Variants in SF1 observed in about 807,000 individuals in gnomAD.
SF1 encodes splicing factor 1, also known as branch point-binding protein.
SF1 carries 7 observed loss-of-function variants against 62.5 expected under a neutral mutation model. The observed-to-expected ratio is 0.11, with a 90% CI of 0.06 to 0.21. The LOEUF (loss-of-function observed/expected upper bound fraction) is 0.21, where lower values mean the gene tolerates loss of function less well. Ranked by LOEUF, SF1 falls within the 10% of genes least tolerant of loss-of-function variation. The pLI is 1.00. For missense variants in SF1, 578 were observed against 884.0 expected, an observed-to-expected ratio of 0.65 and a Z score of 4.39; for synonymous variants, 394 against 323.6, an observed-to-expected ratio of 1.22 and a Z score of -2.33.
At chr11:64,768,374 G>C (rs1458267762) in intron 8 of SF1, 88 bp from the exon 9 acceptor site, 1 of 1,243,666 alleles carries the variant, frequency 8.0e-7, no homozygotes, top group African/African-American at 1.5e-5. Context: ...CATATGGAAA[G>C]TTCTGAAGAA....
At chr11:64,777,746 C>T (rs755538648) in intron 1 of SF1, 234 of 985,620 alleles carry the variant, frequency 2.4e-4, no homozygotes, top group Middle Eastern at 5.2e-4. Flanking sequence ...CACAGCCCGG[C>T]CACCTCACTG....
chr11:64,767,053 T>C lies in SF1; in HGVS notation c.1429A>G (p.Met477Val). ...GGAGGCGGCGGCGGCGGCGGCATCA[T>C]GCCCATAGGTGGTGGCGGCATCATA... ...KGMMPPPPMG[M>V]MPPPPPPPSG... The change falls in exon 12 of 13, where the codon ATG (methionine) becomes GTG (valine). Residue 477 changes from methionine (M) to valine (V), a missense_variant. By Grantham distance (21) the Met-to-Val change is conservative. Around this residue, in one of 7 missense-constraint regions of SF1, gnomAD observed 410 missense variants for 452.4 expected, o/e 0.91. Transcript: ENST00000377390. The C allele has an allele frequency of 6.4e-7, 1 of 1,566,618 alleles. No individual in the cohort carries two copies. Among genetic ancestry groups the C allele is most frequent in the Non-Finnish European group, 8.7e-7 (1 of 1,153,812 alleles).
At chr11:64,778,084 AG>A in intron 1 of SF1, 1 of 939,260 alleles carries the variant, frequency 1.1e-6, no homozygotes, top group Non-Finnish European at 1.3e-6. Context: ...GCGGCGGCGG[AG>A]GGGGCGGCTG....
intron 3 of SF1, chr11:64,771,536 G>A: frequency 1.0e-6 from 1 of 985,442 alleles, no homozygotes; most frequent in Non-Finnish European, 1.2e-6. Context: ...ACTGTCTTCA[G>A]CCTAAAGGGA....
At chr11:64,766,205 C>G in intron 12 of SF1, 50 bp from the exon 13 acceptor site, 4 of 1,415,428 alleles carry the variant, frequency 2.8e-6, no homozygotes, top group Non-Finnish European at 3.9e-6. Flanking sequence ...CACACCGCGG[C>G]TGTCTGCGGC....
At chr11:64,766,632 G>A (rs1044405272) in intron 12 of SF1, 1 of 435,844 alleles carries the variant, frequency 2.3e-6, no homozygotes, top group Non-Finnish European at 4.1e-6. Flanking sequence ...AGCCTGCGAG[G>A]GTCTGGACTT....
rs756299065 is a variant in SF1, at chr11:64,765,467, C to T, written c.*351G>A. ...TGCCTGGAAGGGTCACCAATGGGCGCGGAAAGTCCTCACTCTCATGGCTCG... is the reference window on the plus strand; with the variant it reads ...TGCCTGGAAGGGTCACCAATGGGCGTGGAAAGTCCTCACTCTCATGGCTCG... On this transcript the variant is annotated 3_prime_UTR_variant, in exon 13 of 13. Coordinates refer to ENST00000377390, the MANE Select transcript of SF1 (RefSeq NM_004630.4). The T allele has an allele frequency of 1.7e-5, 27 of 1,613,260 alleles. No individual in the cohort carries two copies. Among genetic ancestry groups the T allele is most frequent in the South Asian group, 2.2e-5 (2 of 91,022 alleles).
At chr11:64,772,098 G>C (rs920154304) in intron 3 of SF1, 1 of 985,362 alleles carries the variant, frequency 1.0e-6, no homozygotes, top group Non-Finnish European at 1.2e-6. Context: ...AGAAGTGAAA[G>C]GCAAAAGCTA....
chr11:64,776,307 C>G (rs921351404), intron 2 of SF1, 191 bp downstream of exon 2: 1 of 591,454 alleles, frequency 1.7e-6, no homozygotes, highest in African/African-American at 1.9e-5. Flanking sequence ...ACTGCAGTTA[C>G]GAACAGACCA....
Position 64,764,915 on chromosome 11 carries a change from C to T in SF1, c.*903G>A, listed in dbSNP as rs2058539247. On this transcript the variant is annotated 3_prime_UTR_variant, in exon 13 of 13. Transcript: ENST00000377390. ...TGGAATCTGAGGCAGCTCAGGTGAT[C>T]AAGGAGCACAGGAAGAACTCCAGGC... 6.6e-6 allele frequency: 1 copy of T among 152,328 alleles called. No individual in the cohort carries two copies. Among genetic ancestry groups the T allele is most frequent in the African/African-American group, 2.4e-5 (1 of 41,462 alleles). 9.4% of individuals were successfully genotyped at this position (152,328 alleles called of 1,614,324 possible). A position where few individuals can be genotyped will look rare whatever the true frequency, so the allele number is the denominator to read the frequency against.
intron 3 of SF1, among the ~76,000 whole-genome samples, chr11:64,770,944 T>C (rs1381998024): frequency 1.3e-5 from 2 of 152,162 alleles, no homozygotes; most frequent in Non-Finnish European, 2.9e-5. Flanking sequence ...GCCCCCACAA[T>C]GGAGAGAGAT....
intron 12 of SF1, 50 bp downstream of exon 12, chr11:64,766,850 G>GCCCCCCCGCCCC: frequency 1.3e-6 from 1 of 744,976 alleles, no homozygotes; most frequent in Non-Finnish European, 2.2e-6. Flanking sequence ...GTTCCTGTCA[G>GCCCCCCCGCCCC]CCCCACCCCC....
chr11:64,777,864 G>C, intron 1 of SF1: 7 of 929,272 alleles, frequency 7.5e-6, no homozygotes, highest in Non-Finnish European at 8.9e-6. Flanking sequence ...GCCTCCGCCC[G>C]GGCCTCCCCG....
chr11:64,775,584 CT>C (rs1162095824), intron 2 of SF1, among the ~76,000 whole-genome samples: 1 of 152,196 alleles, frequency 6.6e-6, no homozygotes. Context: ...GGCCTTGAAG[CT>C]TTTTGGTTGT....
intron 3 of SF1, 185 bp from the exon 4 acceptor site, chr11:64,770,593 T>C (rs1016947270): frequency 5.5e-5 from 34 of 622,796 alleles, no homozygotes; most frequent in Non-Finnish European, 8.7e-5. Context: ...GGCTTAACGT[T>C]AGGGGTCTGG....
In SF1 at chr11:64,778,123, C is replaced by A. The variant is rs993321393; in HGVS notation, c.31+239G>T. 6.2e-5 allele frequency: 49 copies of A among 796,050 alleles called. No individual in the cohort carries two copies. The African/African-American group carries it at 7.8e-4, about 13-fold the overall frequency. 49.3% of individuals were successfully genotyped at this position (796,050 alleles called of 1,614,324 possible). On this transcript the variant is annotated intron_variant, in intron 1 of 12. Transcript: ENST00000377390. Reference sequence around the variant, plus strand: ...GCGGCGGGTACGAGGCGCCGGGGGACGGTGGCGGTGGAGGCGGCGGCGGCT... The same window carrying A: ...GCGGCGGGTACGAGGCGCCGGGGGAAGGTGGCGGTGGAGGCGGCGGCGGCT...
Position 64,765,950 on chromosome 11 carries a change from C to T in SF1, c.1788G>A (p.Met596Ile), listed in dbSNP as rs756959179. ...GCGGAGGAGGAGGGGGCGGGGCATA[C>T]ATCATGCCGGCGGAACCAGGCGGTG... ...PPPPPGSAGM[M>I]YAPPPPPPPP... Residue 596 changes from methionine (M) to isoleucine (I), a missense_variant, in exon 13 of 13, where the codon ATG becomes ATA. By Grantham distance (10) the Met-to-Ile change is conservative. Coordinates refer to ENST00000377390, the MANE Select transcript of SF1 (RefSeq NM_004630.4). 7.0e-6 allele frequency: 11 copies of T among 1,576,462 alleles called. No individual in the cohort carries two copies. The highest frequency in any genetic ancestry group is 1.1e-5 in the South Asian group (1 of 87,948).
chr11:64,765,439 G>C lies in SF1; in HGVS notation c.*379C>G, dbSNP rs757683654. On this transcript the variant is annotated 3_prime_UTR_variant, in exon 13 of 13. Transcript: ENST00000377390. ...GTCCACCAGGGGCGTTGCTGAGGCT[G>C]TCTGCCTGGAAGGGTCACCAATGGG... The C allele has an allele frequency of 5.0e-6, 8 of 1,594,674 alleles. No homozygotes were observed. The highest frequency in any genetic ancestry group is 5.2e-6 in the Non-Finnish European group (6 of 1,162,734).
intron 8 of SF1, 32 bp from the exon 9 acceptor site, chr11:64,768,318 A>G: frequency 6.2e-7 from 1 of 1,601,386 alleles, no homozygotes; most frequent in Non-Finnish European, 8.5e-7. Flanking sequence ...AAACAGAGAA[A>G]GGGGAAAAAC....
Sources: allele counts gnomAD v4.1 joint callset (sites outside exome capture counted in the v4.1 genomes callset), GRCh38; gene constraint gnomAD v4.1.1; regional missense constraint gnomAD v4.1.1; transcripts MANE v1.5; gene names NCBI Gene and HGNC (gene_info 2026-07-23, HGNC 2026-07-21).